The following TACR3 variants were observed in gnomAD, a reference collection of about 807,000 sequenced individuals.
The protein encoded by TACR3 is tachykinin receptor 3.
Under a neutral mutation model 35.0 loss-of-function variants are expected in TACR3, and 34 were observed. The ratio of observed to expected loss-of-function variants is 0.97; its 90% CI spans 0.74 to 1.30. TACR3 has a LOEUF of 1.30. Among genes scored for constraint, TACR3 ranks in the 50% most tolerant of loss-of-function variants. The probability of loss-of-function intolerance (pLI) is 0.00; values close to 1 mark genes in which losing one functional copy is unlikely to be tolerated. For synonymous variants in TACR3, 233 were observed against 221.1 expected, an observed-to-expected ratio of 1.05 and a Z score of -0.48; for missense variants, 558 against 591.7, an observed-to-expected ratio of 0.94 and a Z score of 0.59.
At chr4:103,590,679 A>G (rs1391793609) in intron 4 of TACR3, among the ~76,000 whole-genome samples, 1 of 152,140 alleles carries the variant, frequency 6.6e-6, no homozygotes, top group Non-Finnish European at 1.5e-5. Flanking sequence ...CTTAGGATTT[A>G]ATTCATGCAG....
chr4:103,673,536 A>T (rs573746579), intron 1 of TACR3, among the ~76,000 whole-genome samples: 1 of 152,160 alleles, frequency 6.6e-6, no homozygotes, highest in Non-Finnish European at 1.5e-5. Flanking sequence ...TGGTTCGTGA[A>T]GCTCCAAAAC....
chr4:103,675,474 G>A (rs781584965), intron 1 of TACR3, among the ~76,000 whole-genome samples: 34 of 152,180 alleles, frequency 2.2e-4, no homozygotes, highest in Non-Finnish European at 5.9e-5. Flanking sequence ...GCAAACTGAA[G>A]AGAGTTTAAT....
intron 3 of TACR3, among the ~76,000 whole-genome samples, chr4:103,629,431 C>A (rs1218545377): frequency 1.3e-5 from 2 of 152,222 alleles, no homozygotes; most frequent in South Asian, 4.1e-4. Flanking sequence ...TGATAAGCAA[C>A]TTCAGCAAAG....
intron 3 of TACR3, among the ~76,000 whole-genome samples, chr4:103,613,895 GAGAAAGAGTGAGGCAGAGAC>G (rs1207587270): frequency 2.0e-5 from 3 of 152,054 alleles, no homozygotes; most frequent in Non-Finnish European, 2.9e-5. Context: ...GAGAAAGAGA[GAGAAAGAGTGAGGCAGAGAC>G]AGAAAGAGAA....
rs71580414 is a variant in TACR3, at chr4:103,614,884, G to GTTTT, written c.889-23205_889-23202dup. ...TATAACCTAAGTTGATTATGAATGT[G>GTTTT]TTTTTTTTTTTTTTTTTTTTTTTTT... On this transcript the variant is annotated intron_variant, in intron 3 of 4. Coordinates refer to ENST00000304883, the MANE Select transcript of TACR3 (RefSeq NM_001059.3). Among the ~76,000 whole-genome samples the GTTTT allele has an allele frequency of 4.3e-4, 31 of 72,056 alleles. 3 individuals are homozygous for GTTTT. The highest frequency in any genetic ancestry group is 6.7e-4 in the Non-Finnish European group (26 of 38,624). The allele number at this position is 72,056 out of a possible 152,430, so 47.3% of individuals were successfully genotyped here.
chr4:103,696,691 C>G (rs768276507), intron 1 of TACR3, among the ~76,000 whole-genome samples: 2 of 152,074 alleles, frequency 1.3e-5, no homozygotes, highest in African/African-American at 2.4e-5. Context: ...TTGTCACTAC[C>G]ACTTTCTTCC....
chr4:103,638,480 A>C (rs1480220898), intron 3 of TACR3, among the ~76,000 whole-genome samples: 2 of 152,174 alleles, frequency 1.3e-5, no homozygotes, highest in Admixed American at 6.5e-5. Context: ...CTAAAACCAT[A>C]AAAACCCTAG....
intron 3 of TACR3, among the ~76,000 whole-genome samples, chr4:103,636,478 T>G (rs939353232): frequency 6.6e-6 from 1 of 152,004 alleles, no homozygotes; most frequent in Non-Finnish European, 1.5e-5. Context: ...TTGGTTGGCT[T>G]ACCACACAAA....
At chr4:103,669,397 C>A (rs1335183238) in intron 1 of TACR3, among the ~76,000 whole-genome samples, 1 of 151,978 alleles carries the variant, frequency 6.6e-6, no homozygotes, top group East Asian at 1.9e-4. Context: ...GCTGGAATTT[C>A]TATTTTAGTT....
chr4:103,641,972 G>C (rs1181856386), intron 3 of TACR3, among the ~76,000 whole-genome samples: 1 of 151,846 alleles, frequency 6.6e-6, no homozygotes, highest in East Asian at 1.9e-4. Flanking sequence ...CAGAGGTGAT[G>C]TTGGGAGGGA....
intron 3 of TACR3, among the ~76,000 whole-genome samples, chr4:103,627,353 A>AAAAATAC (rs1491199935): frequency 0.011 from 890 of 80,432 alleles, 15 homozygotes; most frequent in African/African-American, 0.05. Flanking sequence ...TGTTTCCATT[A>AAAAATAC]AAAAAAAAAA....
At chr4:103,683,186 A>T (rs2110210804) in intron 1 of TACR3, among the ~76,000 whole-genome samples, 1 of 152,110 alleles carries the variant, frequency 6.6e-6, no homozygotes, top group Admixed American at 6.6e-5. Flanking sequence ...AAATTAAAAA[A>T]CCTGTGGGAT....
In TACR3 at chr4:103,589,770, T is replaced by C; in HGVS notation, c.1310A>G (p.Asn437Ser). Residue 437 changes from asparagine to serine, a missense_variant, in exon 5 of 5, where the codon AAT becomes AGT. Coordinates refer to ENST00000304883, the MANE Select transcript of TACR3 (RefSeq NM_001059.3). ...TTTGGAATTCCTGCGAGAGCAGCCA[T>C]TGAAACTTGGGTCTCTTGGCGTTGC... is the stretch of plus-strand genomic sequence containing the variant. ...KRATPRDPSFNGCSRRNSKSA... is the reference protein window; with the variant it reads ...KRATPRDPSFSGCSRRNSKSA... 1 of 1,614,022 alleles carries C rather than the reference T, an allele frequency of 6.2e-7. No homozygotes were observed. Among genetic ancestry groups the C allele is most frequent in the South Asian group, 1.1e-5 (1 of 91,080 alleles).
At chr4:103,640,300 T>G (rs1257379586) in intron 3 of TACR3, among the ~76,000 whole-genome samples, 1 of 152,072 alleles carries the variant, frequency 6.6e-6, no homozygotes, top group Non-Finnish European at 1.5e-5. Flanking sequence ...TGCAAGAAAT[T>G]TAAAAAGGCT....
In TACR3 at chr4:103,718,304, ACTG is replaced by A. The variant is rs575227723; in HGVS notation, c.548+821_548+823del. On this transcript the variant is annotated intron_variant, in intron 1 of 4. Transcript: ENST00000304883. ...TTTCACAAAGCTGAGACTGAAATCAACTGCTATTGATTTTCACCACAAAGTTGA... is the reference window on the plus strand; with the variant it reads ...TTTCACAAAGCTGAGACTGAAATCAACTATTGATTTTCACCACAAAGTTGA... Among the ~76,000 whole-genome samples, 9 of 152,322 alleles carry A rather than the reference ACTG, an allele frequency of 5.9e-5. No homozygotes were observed. The South Asian group carries it at 1.9e-3, about 32-fold the overall frequency.
intron 3 of TACR3, 132 bp from the exon 4 acceptor site, chr4:103,591,815 A>T (rs1341493541): frequency 2.2e-6 from 2 of 911,720 alleles, no homozygotes; most frequent in Admixed American, 4.3e-5. Context: ...TATATTAAAA[A>T]ATGGTGAAGC....
In TACR3 at chr4:103,719,373, C is replaced by T. The variant is rs201808835; in HGVS notation, c.303G>A (p.Leu101=). 441 of 1,614,194 alleles carry T rather than the reference C, an allele frequency of 2.7e-4. 4 individuals are homozygous for T. Among genetic ancestry groups the T allele is most frequent in the Non-Finnish European group, 3.5e-5 (41 of 1,180,028 alleles). The change falls in exon 1 of 5, where the codon TTG becomes TTA. Residue 101 remains leucine, a synonymous_variant. Transcript: ENST00000304883. The part of the protein sequence containing the change: ...AYGVVVAVAV[L]GNLIVIWIIL... ...TGATCCAGATGACGATGAGATTTCC[C>T]AAAACTGCCACTGCCACCACCACAC...
chr4:103,658,139 A>G, intron 2 of TACR3, 76 bp downstream of exon 2: 1 of 1,407,460 alleles, frequency 7.1e-7, no homozygotes. Context: ...AGTCTTATTT[A>G]ATTGTTGCTC....
At chr4:103,647,654 ACTTTC>A (rs199816930) in intron 3 of TACR3, among the ~76,000 whole-genome samples, 3,954 of 151,996 alleles carry the variant, frequency 0.026, 180 homozygotes, top group African/African-American at 0.09. Flanking sequence ...AGTTGAATAT[ACTTTC>A]CTTTAAAGTA....
Sources: gnomAD v4.1 joint callset for allele counts (sites outside exome capture counted in the v4.1 genomes callset) on GRCh38, gnomAD v4.1.1 for gene constraint, MANE v1.5 for transcripts, NCBI Gene and HGNC (gene_info 2026-07-23, HGNC 2026-07-21) for gene names.